The following CBLB variants were observed in gnomAD, a reference collection of about 807,000 sequenced individuals.
CBLB encodes Cbl proto-oncogene B.
In CBLB, 31 loss-of-function variants were observed where a neutral mutation model predicts 104.9. The observed-to-expected ratio is 0.30, with a 90% confidence interval of 0.22 to 0.40. CBLB has a LOEUF of 0.40. CBLB is among the 10% of genes least tolerant of loss of function. The probability of loss-of-function intolerance (pLI) is 1.00; values close to 1 mark genes in which losing one functional copy is unlikely to be tolerated. For missense variants in CBLB, 1,062 were observed against 1,214.6 expected (o/e 0.87, Z 1.87); for synonymous variants, 440 against 422.6 (o/e 1.04, Z -0.51).
At chr3:105,821,179 C>T (rs2085790035) in intron 3 of CBLB, among the ~76,000 whole-genome samples, 1 of 152,130 alleles carries the variant, frequency 6.6e-6, no homozygotes. Flanking sequence ...AAACAAAATA[C>T]ATCCAAACAC....
intron 4 of CBLB, among the ~76,000 whole-genome samples, chr3:105,758,150 C>T (rs750646216): frequency 6.6e-6 from 1 of 152,022 alleles, no homozygotes; most frequent in Non-Finnish European, 1.5e-5. Flanking sequence ...CTTATGGGAC[C>T]ATTATTACTC....
At chr3:105,667,105 T>C (rs2064553626) in intron 18 of CBLB, among the ~76,000 whole-genome samples, 2 of 152,256 alleles carry the variant, frequency 1.3e-5, no homozygotes, top group Admixed American at 1.3e-4. Flanking sequence ...TTGAAATTAA[T>C]TCATTTTGTA....
At chr3:105,695,874 C>T (rs1442015944) in intron 12 of CBLB, among the ~76,000 whole-genome samples, 3 of 151,636 alleles carry the variant, frequency 2.0e-5, no homozygotes, top group Admixed American at 2.0e-4. Context: ...ATATGCCTTA[C>T]AGTGCTTTAC....
chr3:105,686,973 T>C (rs1439993393), intron 13 of CBLB, among the ~76,000 whole-genome samples: 1 of 152,108 alleles, frequency 6.6e-6, no homozygotes, highest in Non-Finnish European at 1.5e-5. Flanking sequence ...AAGTTAAGTA[T>C]ATGGGCTGCA....
intron 2 of CBLB, among the ~76,000 whole-genome samples, chr3:105,865,310 A>T (rs1177841481): frequency 1.3e-5 from 2 of 152,224 alleles, no homozygotes; most frequent in Admixed American, 1.3e-4. Flanking sequence ...ATTCTTTCAT[A>T]ATAATTTATG....
intron 4 of CBLB, among the ~76,000 whole-genome samples, chr3:105,767,098 G>A (rs1193865068): frequency 6.6e-6 from 1 of 151,920 alleles, no homozygotes; most frequent in African/African-American, 2.4e-5. Flanking sequence ...TTTTTTAACA[G>A]GCAACAAAGG....
At chr3:105,722,909 ATGT>A (rs1372185095) in intron 9 of CBLB, among the ~76,000 whole-genome samples, 3 of 152,296 alleles carry the variant, frequency 2.0e-5, no homozygotes, top group Admixed American at 6.5e-5. Flanking sequence ...CAAATTACTG[ATGT>A]TGTTAAGAGT....
intron 6 of CBLB, among the ~76,000 whole-genome samples, chr3:105,744,459 T>C (rs974608455): frequency 2.6e-5 from 4 of 152,202 alleles, no homozygotes; most frequent in African/African-American, 9.7e-5. Flanking sequence ...CTCTCATGGT[T>C]ACAATGAGAA....
intron 5 of CBLB, among the ~76,000 whole-genome samples, chr3:105,748,645 A>G (rs1204801140): frequency 6.6e-6 from 1 of 152,196 alleles, no homozygotes; most frequent in Non-Finnish European, 1.5e-5. Flanking sequence ...AAAGAGAAGG[A>G]TAAAGAGAAG....
intron 10 of CBLB, among the ~76,000 whole-genome samples, chr3:105,718,958 T>C (rs534455378): frequency 1.1e-4 from 16 of 152,360 alleles, no homozygotes; most frequent in Non-Finnish European, 1.9e-4. Flanking sequence ...GTTGGCATTC[T>C]GGTTCATTGA....
rs2067373832 is a variant in CBLB, at chr3:105,689,244, T to C, written c.2055-3778A>G. Among the ~76,000 whole-genome samples, 5 of 152,092 alleles carry C rather than the reference T, an allele frequency of 3.3e-5. No individual in the cohort carries two copies. In the South Asian group the frequency reaches 1.0e-3, roughly 32 times the overall value. ...ACCTCTAGTAAGTAAAGCAACTGAA[T>C]GAAAACAGGACAGTTAGGTGAAATT... On this transcript the variant is annotated intron_variant, in intron 13 of 18. Coordinates refer to ENST00000394030, the MANE Select transcript of CBLB (RefSeq NM_170662.5).
At chr3:105,741,095 GT>G (rs66493673) in intron 6 of CBLB, among the ~76,000 whole-genome samples, 6,473 of 107,600 alleles carry the variant, frequency 0.06, 60 homozygotes, top group Admixed American at 0.096. Context: ...AAAAATTAGG[GT>G]TTTTTTTTTT....
At chr3:105,866,897 A>C (rs953901658) in intron 2 of CBLB, among the ~76,000 whole-genome samples, 2 of 152,248 alleles carry the variant, frequency 1.3e-5, no homozygotes, top group African/African-American at 4.8e-5. Context: ...TTAACAACAA[A>C]AAAAGTTTCT....
At chr3:105,799,966 C>A (rs1485460756) in intron 3 of CBLB, among the ~76,000 whole-genome samples, 1 of 152,054 alleles carries the variant, frequency 6.6e-6, no homozygotes, top group South Asian at 2.1e-4. Flanking sequence ...GACTAAGCAG[C>A]CAGGGACATA....
In CBLB at chr3:105,853,586, G is replaced by T; in HGVS notation, c.247C>A (p.Gln83Lys). ...YILDILPDTYQHLRLILSKYD... is the reference protein window; with the variant it reads ...YILDILPDTYKHLRLILSKYD... ...TTACTCAATATAAGTCGTAAATGCTGATATGTATCAGGCAAAATATCAAGT... is the reference window on the plus strand; with the variant it reads ...TTACTCAATATAAGTCGTAAATGCTTATATGTATCAGGCAAAATATCAAGT... The change falls in exon 3 of 19, where the codon CAG (glutamine) becomes AAG (lysine). Residue 83 changes from glutamine to lysine, a missense_variant. This residue lies in a region of CBLB where 457 missense variants were observed against 632.0 expected (regional missense o/e 0.72). Coordinates refer to ENST00000394030, the MANE Select transcript of CBLB (RefSeq NM_170662.5). 1 of 1,611,636 alleles carries T rather than the reference G, an allele frequency of 6.2e-7. No homozygotes were observed. Among genetic ancestry groups the T allele is most frequent in the South Asian group, 1.1e-5 (1 of 91,028 alleles).
chr3:105,769,908 C>G (rs1253823491), intron 4 of CBLB, among the ~76,000 whole-genome samples: 2 of 152,036 alleles, frequency 1.3e-5, no homozygotes, highest in Non-Finnish European at 2.9e-5. Flanking sequence ...GATAGGGAGA[C>G]TAATCAGAAG....
At chr3:105,674,422 T>G (rs2065384219) in intron 17 of CBLB, among the ~76,000 whole-genome samples, 1 of 152,284 alleles carries the variant, frequency 6.6e-6, no homozygotes, top group Non-Finnish European at 1.5e-5. Context: ...TAAAGTCAAT[T>G]TGGCTAGCTT....
chr3:105,729,540 G>GA (rs938861524), intron 9 of CBLB, among the ~76,000 whole-genome samples: 4 of 151,902 alleles, frequency 2.6e-5, no homozygotes, highest in African/African-American at 9.7e-5. Flanking sequence ...TTTGAATGAG[G>GA]AAAAAATTGA....
intron 3 of CBLB, among the ~76,000 whole-genome samples, chr3:105,852,681 C>T (rs1243812468): frequency 1.8e-5 from 1 of 55,598 alleles, no homozygotes; most frequent in Admixed American, 1.6e-4. Context: ...CACTTCCAGT[C>T]TGGCAAGCTC....
Sources: gnomAD v4.1 joint callset for allele counts (sites outside exome capture counted in the v4.1 genomes callset) on GRCh38, gnomAD v4.1.1 for gene constraint, gnomAD v4.1.1 regional missense constraint, MANE v1.5 for transcripts, NCBI Gene and HGNC (gene_info 2026-07-23, HGNC 2026-07-21) for gene names.